The following PDE7A variants were observed in gnomAD, a reference collection of about 807,000 sequenced individuals.
PDE7A encodes phosphodiesterase 7A.
PDE7A carries 39 observed loss-of-function variants against 64.3 expected under a neutral mutation model. The ratio of observed to expected loss-of-function variants is 0.61; its 90% CI spans 0.47 to 0.79. PDE7A has a LOEUF of 0.79. Ranked by LOEUF, PDE7A falls within the 30% of genes least tolerant of loss-of-function variation. PDE7A has a pLI of 0.00. For synonymous variants in PDE7A, 203 were observed against 206.8 expected (o/e 0.98, Z 0.16); for missense variants, 470 against 582.8 (o/e 0.81, Z 1.99).
At chr8:65,822,047 CAA>C (rs1203700177) in intron 1 of PDE7A, among the ~76,000 whole-genome samples, 2 of 151,608 alleles carry the variant, frequency 1.3e-5, no homozygotes, top group African/African-American at 4.8e-5. Context: ...TATGCTGAAA[CAA>C]AGAGGGTATG....
intron 9 of PDE7A, 44 bp from the exon 10 acceptor site, chr8:65,724,965 T>A: frequency 7.7e-7 from 1 of 1,303,178 alleles, no homozygotes; most frequent in Non-Finnish European, 1.1e-6. Flanking sequence ...GACTTTCAAT[T>A]AACTATTTAT....
chr8:65,783,929 C>G (rs998117663), intron 1 of PDE7A, among the ~76,000 whole-genome samples: 1 of 151,978 alleles, frequency 6.6e-6, no homozygotes, highest in South Asian at 2.1e-4. Flanking sequence ...TCTGTGGAGG[C>G]AGGGTTTTCA....
At chr8:65,779,851 G>C (rs1202934122) in intron 2 of PDE7A, 48 bp from the exon 3 acceptor site, 1 of 1,222,082 alleles carries the variant, frequency 8.2e-7, no homozygotes, top group Non-Finnish European at 1.2e-6. Context: ...TTGTCATTCG[G>C]GAAGAAGCTT....
intron 3 of PDE7A, among the ~76,000 whole-genome samples, chr8:65,771,875 T>G (rs1323116550): frequency 1.2e-4 from 12 of 103,070 alleles, no homozygotes; most frequent in Non-Finnish European, 2.1e-4. Flanking sequence ...ACTCCGAGAC[T>G]CCATCTCTCA....
chr8:65,816,214 G>A (rs1018090808), intron 1 of PDE7A, among the ~76,000 whole-genome samples: 6 of 152,016 alleles, frequency 3.9e-5, no homozygotes, highest in Non-Finnish European at 5.9e-5. Context: ...TAATAAAAGT[G>A]GAAAAGAATC....
At chr8:65,739,400 T>C (rs1807301338) in intron 6 of PDE7A, 102 bp downstream of exon 6, 1 of 1,296,686 alleles carries the variant, frequency 7.7e-7, no homozygotes, top group Admixed American at 4.1e-5. Context: ...TTTGGCTGGT[T>C]TGTTATAGAG....
chr8:65,798,296 A>G (rs1360123348), intron 1 of PDE7A, among the ~76,000 whole-genome samples: 1 of 147,206 alleles, frequency 6.8e-6, no homozygotes, highest in Non-Finnish European at 1.5e-5. Context: ...TGCAACCTCT[A>G]CCTCTCGGGT....
intron 1 of PDE7A, among the ~76,000 whole-genome samples, chr8:65,784,835 T>TA (rs915927324): frequency 5.9e-5 from 9 of 151,850 alleles, no homozygotes; most frequent in African/African-American, 1.9e-4. Flanking sequence ...AAAAAAAATA[T>TA]AAAAAAATGC....
chr8:65,816,748 T>C (rs1445933558), intron 1 of PDE7A, among the ~76,000 whole-genome samples: 1 of 152,238 alleles, frequency 6.6e-6, no homozygotes, highest in African/African-American at 2.4e-5. Flanking sequence ...TGTAGTGAGT[T>C]GATTTTCTCT....
At chr8:65,745,734 A>T (rs542919915) in intron 4 of PDE7A, among the ~76,000 whole-genome samples, 80 of 152,360 alleles carry the variant, frequency 5.3e-4, no homozygotes, top group African/African-American at 1.9e-3. Context: ...TTATTGCTAC[A>T]GTCTTGCAAA....
chr8:65,720,427 T>C (rs1012407254), intron 12 of PDE7A: 1 of 154,136 alleles, frequency 6.5e-6, no homozygotes, highest in Non-Finnish European at 1.5e-5. Context: ...CAAAAGACCA[T>C]GTGGACCACA....
chr8:65,775,542 C>T (rs1366381068), intron 3 of PDE7A, among the ~76,000 whole-genome samples: 1 of 152,220 alleles, frequency 6.6e-6, no homozygotes, highest in East Asian at 1.9e-4. Flanking sequence ...TGAAAAATTT[C>T]CAGGTGGCCA....
At chr8:65,727,415 C>T in intron 7 of PDE7A, 114 bp from the exon 8 acceptor site, 1 of 1,446,404 alleles carries the variant, frequency 6.9e-7, no homozygotes. Flanking sequence ...CCTCCCCCTT[C>T]ACGTCATTCC....
At chr8:65,825,278 T>G (rs1810643786) in intron 1 of PDE7A, among the ~76,000 whole-genome samples, 1 of 152,182 alleles carries the variant, frequency 6.6e-6, no homozygotes. Flanking sequence ...TTCAGGTTAC[T>G]TTTTAAAGGT....
intron 3 of PDE7A, among the ~76,000 whole-genome samples, chr8:65,762,861 G>A (rs1057432991): frequency 1.3e-5 from 2 of 152,102 alleles, no homozygotes; most frequent in African/African-American, 2.4e-5. Context: ...TATTGGCCAA[G>A]TATGGTGGCT....
chr8:65,769,509 C>T (rs977105872), intron 3 of PDE7A, among the ~76,000 whole-genome samples: 28 of 152,248 alleles, frequency 1.8e-4, no homozygotes, highest in African/African-American at 5.5e-4. Flanking sequence ...ACCACGAATA[C>T]AAGTTAGTTT....
At chr8:65,827,470 T>C (rs1810706069) in intron 1 of PDE7A, among the ~76,000 whole-genome samples, 2 of 152,188 alleles carry the variant, frequency 1.3e-5, no homozygotes, top group South Asian at 2.1e-4. Context: ...AGCTTTGAAG[T>C]AGGTAGAATG....
intron 3 of PDE7A, among the ~76,000 whole-genome samples, chr8:65,763,876 T>C (rs1048679415): frequency 2.6e-5 from 4 of 152,218 alleles, no homozygotes; most frequent in African/African-American, 9.6e-5. Context: ...GTATTAAGAT[T>C]AAGGTCCAAT....
At chr8:65,826,524 A>T (rs1274998158) in intron 1 of PDE7A, among the ~76,000 whole-genome samples, 1 of 152,178 alleles carries the variant, frequency 6.6e-6, no homozygotes, top group Non-Finnish European at 1.5e-5. Context: ...CATGTATCAA[A>T]ATGTATTGCA....
Sources: gnomAD v4.1 joint callset for allele counts (sites outside exome capture counted in the v4.1 genomes callset) on GRCh38, gnomAD v4.1.1 for gene constraint, MANE v1.5 for transcripts, NCBI Gene and HGNC (gene_info 2026-07-23, HGNC 2026-07-21) for gene names.